DLC1: variants seen among roughly 807,000 people sequenced by gnomAD.
DLC1 encodes the protein DLC1 Rho GTPase activating protein.
A neutral mutation model predicts 140.3 loss-of-function variants in DLC1; 54 were observed. The ratio of observed to expected loss-of-function variants is 0.38; its 90% CI spans 0.31 to 0.48. DLC1 has a LOEUF of 0.48. Ranked by LOEUF, DLC1 falls within the 20% of genes least tolerant of loss-of-function variation. The probability of loss-of-function intolerance (pLI) is 0.96; values close to 1 mark genes in which losing one functional copy is unlikely to be tolerated. For missense variants in DLC1, 2,536 were observed against 1,907.0 expected, an observed-to-expected ratio of 1.33 and a Z score of -6.14; for synonymous variants, 986 against 728.1, an observed-to-expected ratio of 1.35 and a Z score of -5.70.
Position 13,170,464 on chromosome 8 carries a change from C to T in DLC1, c.1349-54807G>A, listed in dbSNP as rs548814951. On this transcript the variant is annotated intron_variant, in intron 5 of 17. Transcript: ENST00000276297. ...TGTGTTTCCGGGCCGGGCGCGGTGGCTCACGCCTGTAATCCCAGCACTTTG... is the reference window on the plus strand; with the variant it reads ...TGTGTTTCCGGGCCGGGCGCGGTGGTTCACGCCTGTAATCCCAGCACTTTG... 2.4e-4 allele frequency among the ~76,000 whole-genome samples: 37 copies of T among 152,312 alleles called. No homozygotes were observed. The South Asian group carries it at 4.6e-3, about 19-fold the overall frequency.
At chr8:13,362,547 G>A (rs1395824078) in intron 4 of DLC1, among the ~76,000 whole-genome samples, 5 of 151,798 alleles carry the variant, frequency 3.3e-5, no homozygotes, top group East Asian at 1.9e-4. Context: ...ACTCCTGAAC[G>A]TGGACATCTG....
intron 4 of DLC1, among the ~76,000 whole-genome samples, chr8:13,334,044 G>C (rs1833712840): frequency 6.6e-6 from 1 of 152,180 alleles, no homozygotes; most frequent in South Asian, 2.1e-4. Context: ...TTAGATAACT[G>C]TTAGGAAGAA....
chr8:13,584,346 G>C (rs1234519638), intron 1 of DLC1: 1 of 153,850 alleles, frequency 6.5e-6, no homozygotes, highest in African/African-American at 2.4e-5. Flanking sequence ...GACAGGGGTG[G>C]GCTACTGAAC....
At chr8:13,589,751 C>A (rs73563469) in intron 1 of DLC1, among the ~76,000 whole-genome samples, 4,118 of 148,770 alleles carry the variant, frequency 0.028, 106 homozygotes, top group East Asian at 0.15. Flanking sequence ...TATCTTTTTT[C>A]CAACAGAGAT....
chr8:13,543,616 G>C (rs60277897), intron 1 of DLC1, among the ~76,000 whole-genome samples: 16 of 152,130 alleles, frequency 1.1e-4, no homozygotes, highest in Non-Finnish European at 2.2e-4. Flanking sequence ...ACACCAAGAA[G>C]ATGTGTTTTA....
chr8:13,538,148 A>G (rs1223515493), intron 1 of DLC1, among the ~76,000 whole-genome samples: 2 of 152,110 alleles, frequency 1.3e-5, no homozygotes, highest in Non-Finnish European at 2.9e-5. Context: ...GGTTCTGTGG[A>G]GAAATAGGCC....
At chr8:13,470,387 CCAAA>C (rs754721710) in intron 2 of DLC1, among the ~76,000 whole-genome samples, 11 of 151,020 alleles carry the variant, frequency 7.3e-5, no homozygotes, top group Non-Finnish European at 1.0e-4. Context: ...TAAAAAACAA[CCAAA>C]CAAACAACAG....
chr8:13,119,488 A>C (rs1490273102), intron 5 of DLC1, among the ~76,000 whole-genome samples: 1 of 152,158 alleles, frequency 6.6e-6, no homozygotes, highest in East Asian at 1.9e-4. Context: ...CAACAGTTCT[A>C]TATCAATGGG....
At position 13,090,810 on chromosome 8, in the gene DLC1, T is replaced by TC. The variant is rs936885792; in HGVS notation, c.3856-341_3856-340insG. Among the ~76,000 whole-genome samples the TC allele has an allele frequency of 1.7e-4, 4 of 23,306 alleles. No homozygotes were observed. In the East Asian group the frequency reaches 2.1e-3, roughly 12 times the overall value. The allele number at this position is 23,306 out of a possible 152,430, so 15.3% of individuals were successfully genotyped here. Reference sequence around the variant, plus strand: ...TTGTTGCTTTTTCTTTCTTTCTTTCTTTTTTTTTTTTTTGAGAGAGAGTTT... The same window carrying TC: ...TTGTTGCTTTTTCTTTCTTTCTTTCTCTTTTTTTTTTTTTGAGAGAGAGTTT... On this transcript the variant is annotated intron_variant, in intron 14 of 17. Transcript: ENST00000276297.
intron 5 of DLC1, among the ~76,000 whole-genome samples, chr8:13,189,386 G>A (rs1180277444): frequency 6.6e-6 from 1 of 152,128 alleles, no homozygotes; most frequent in Non-Finnish European, 1.5e-5. Flanking sequence ...GCTGAGGCAG[G>A]AGGATCACTT....
At chr8:13,417,480 T>G (rs10100526) in intron 2 of DLC1, among the ~76,000 whole-genome samples, 84,366 of 150,074 alleles carry the variant, frequency 0.56, 24,600 homozygotes, top group Non-Finnish European at 0.66. Context: ...TTGTCCTTGC[T>G]ATAGTTTACT....
intron 2 of DLC1, among the ~76,000 whole-genome samples, chr8:13,418,173 A>C (rs1316303721): frequency 1.3e-5 from 2 of 151,838 alleles, no homozygotes; most frequent in African/African-American, 2.4e-5. Flanking sequence ...TTGCCTGTTC[A>C]CTCTGATGGT....
At chr8:13,113,379 C>A (rs549860863) in intron 6 of DLC1, among the ~76,000 whole-genome samples, 1 of 152,152 alleles carries the variant, frequency 6.6e-6, no homozygotes, top group East Asian at 1.9e-4. Flanking sequence ...CAGAACAATA[C>A]GCAGTGTACC....
At chr8:13,171,393 C>T (rs1463177785) in intron 5 of DLC1, among the ~76,000 whole-genome samples, 1 of 152,082 alleles carries the variant, frequency 6.6e-6, no homozygotes, top group Non-Finnish European at 1.5e-5. Context: ...CTTCCTTTTA[C>T]TTATTTAGTG....
At chr8:13,286,775 A>T (rs899722658) in intron 5 of DLC1, among the ~76,000 whole-genome samples, 1 of 151,732 alleles carries the variant, frequency 6.6e-6, no homozygotes, top group Non-Finnish European at 1.5e-5. Flanking sequence ...TACTCTTTTG[A>T]TTGGCATAAA....
chr8:13,330,912 A>C (rs565822261), intron 4 of DLC1, among the ~76,000 whole-genome samples: 10 of 152,248 alleles, frequency 6.6e-5, no homozygotes, highest in Non-Finnish European at 1.5e-4. Context: ...ACCCTCTGCA[A>C]AATGTTTACA....
chr8:13,461,326 A>G (rs289535), intron 2 of DLC1, among the ~76,000 whole-genome samples: 67,850 of 152,142 alleles, frequency 0.45, 15,335 homozygotes, highest in African/African-American at 0.49. Flanking sequence ...ATTTCTTTAC[A>G]TGAAAATTTG....
At chr8:13,204,018 A>G (rs1827533089) in intron 5 of DLC1, among the ~76,000 whole-genome samples, 1 of 152,190 alleles carries the variant, frequency 6.6e-6, no homozygotes, top group Admixed American at 6.5e-5. Context: ...TTGTGTCAAC[A>G]GAATCATTGT....
At chr8:13,434,857 T>G (rs758431156) in intron 2 of DLC1, among the ~76,000 whole-genome samples, 2 of 152,134 alleles carry the variant, frequency 1.3e-5, no homozygotes, top group Non-Finnish European at 2.9e-5. Flanking sequence ...TTTTTGTATT[T>G]TCTGTAGAGA....
Sources: gnomAD v4.1 joint callset for allele counts (sites outside exome capture counted in the v4.1 genomes callset) on GRCh38, gnomAD v4.1.1 for gene constraint, MANE v1.5 for transcripts, NCBI Gene and HGNC (gene_info 2026-07-23, HGNC 2026-07-21) for gene names.